The following TRHDE variants were observed in gnomAD, a reference collection of about 807,000 sequenced individuals.
TRHDE encodes the protein thyrotropin-releasing hormone-degrading ectoenzyme.
In TRHDE, 72 loss-of-function variants were observed where a neutral mutation model predicts 125.7. That is an observed-to-expected ratio of 0.57 (90% CI 0.47 to 0.70). The LOEUF is 0.70. TRHDE is among the 30% of genes least tolerant of loss of function. TRHDE has a pLI of 0.00. For missense variants in TRHDE, 1,110 were observed against 1,327.1 expected (o/e 0.84, Z 2.54); for synonymous variants, 509 against 509.1 (o/e 1.00, Z 0.00).
At chr12:72,577,620 A>G (rs1443044929) in intron 12 of TRHDE, among the ~76,000 whole-genome samples, 2 of 152,218 alleles carry the variant, frequency 1.3e-5, no homozygotes, top group African/African-American at 4.8e-5. Flanking sequence ...TAGCCTAATG[A>G]CAGAGGCCAG....
chr12:72,164,461 A>G (rs1466092255), intron 2 of TRHDE, among the ~76,000 whole-genome samples: 1 of 152,174 alleles, frequency 6.6e-6, no homozygotes, highest in African/African-American at 2.4e-5. Flanking sequence ...TGGGGTTTTA[A>G]TAGGGTCTTA....
intron 15 of TRHDE, among the ~76,000 whole-genome samples, chr12:72,625,701 A>C (rs1325636576): frequency 6.6e-6 from 1 of 151,814 alleles, no homozygotes; most frequent in East Asian, 1.9e-4. Context: ...TTTTACCAAA[A>C]CCAAATTCTA....
chr12:72,161,033 A>G (rs544743503), intron 2 of TRHDE, among the ~76,000 whole-genome samples: 12 of 152,102 alleles, frequency 7.9e-5, no homozygotes, highest in African/African-American at 2.7e-4. Flanking sequence ...TCTCACCTCT[A>G]TCTCCTTTCT....
intron 2 of TRHDE, among the ~76,000 whole-genome samples, chr12:72,224,083 T>C (rs147571672): frequency 0.017 from 889 of 53,518 alleles, 12 homozygotes; most frequent in African/African-American, 0.075. Context: ...TCTATCCATC[T>C]ATCTATCCAT....
At chr12:72,430,067 A>C (rs536622041) in intron 3 of TRHDE, among the ~76,000 whole-genome samples, 1 of 151,606 alleles carries the variant, frequency 6.6e-6, no homozygotes, top group South Asian at 2.1e-4. Context: ...TGTCATATCT[A>C]AAAAGGTTTT....
At chr12:72,154,579 G>A (rs529172218) in intron 2 of TRHDE, among the ~76,000 whole-genome samples, 1 of 152,234 alleles carries the variant, frequency 6.6e-6, no homozygotes, top group East Asian at 1.9e-4. Context: ...GCTCTTTTAG[G>A]GCAGGCCTGG....
chr12:72,491,653 T>G (rs1334192713), intron 5 of TRHDE, among the ~76,000 whole-genome samples: 2 of 151,946 alleles, frequency 1.3e-5, no homozygotes, highest in African/African-American at 4.8e-5. Flanking sequence ...TTTCTCTGTG[T>G]TCATCATGTC....
chr12:72,492,340 A>C (rs548109574), intron 5 of TRHDE, among the ~76,000 whole-genome samples: 1 of 152,070 alleles, frequency 6.6e-6, no homozygotes, highest in African/African-American at 2.4e-5. Context: ...GTAGAACTTA[A>C]AATACTTTTG....
chr12:72,605,425 C>G (rs1250732806), intron 12 of TRHDE, among the ~76,000 whole-genome samples: 1 of 151,870 alleles, frequency 6.6e-6, no homozygotes, highest in East Asian at 1.9e-4. Flanking sequence ...TATTTAGCAC[C>G]CTTATGAGGG....
chr12:72,298,498 A>G (rs1565688786), intron 2 of TRHDE, among the ~76,000 whole-genome samples: 3 of 152,142 alleles, frequency 2.0e-5, no homozygotes, highest in South Asian at 2.1e-4. Context: ...TTCTTCTTTT[A>G]CATTCCAGTT....
chr12:72,420,993 G>T (rs1230348675), intron 3 of TRHDE, among the ~76,000 whole-genome samples: 2 of 151,132 alleles, frequency 1.3e-5, no homozygotes, highest in African/African-American at 2.4e-5. Context: ...TTTTGAGATG[G>T]AGTCTTGCTT....
intron 2 of TRHDE, among the ~76,000 whole-genome samples, chr12:72,116,275 G>T (rs1465845948): frequency 6.6e-6 from 1 of 152,122 alleles, no homozygotes; most frequent in East Asian, 1.9e-4. Context: ...GGACATTTGG[G>T]TTGGTTCCAA....
chr12:72,237,533 C>T (rs1878358034), intron 2 of TRHDE, among the ~76,000 whole-genome samples: 1 of 152,174 alleles, frequency 6.6e-6, no homozygotes, highest in Non-Finnish European at 1.5e-5. Flanking sequence ...CACCTCTCAT[C>T]TCTTTTGGGA....
At chr12:72,122,689 A>G (rs1343515127) in intron 2 of TRHDE, among the ~76,000 whole-genome samples, 2 of 152,118 alleles carry the variant, frequency 1.3e-5, no homozygotes, top group East Asian at 3.9e-4. Flanking sequence ...ACTTTTCTGG[A>G]TATTTGAGAG....
At chr12:72,218,773 C>T (rs183783780) in intron 2 of TRHDE, among the ~76,000 whole-genome samples, 128 of 152,234 alleles carry the variant, frequency 8.4e-4, no homozygotes, top group African/African-American at 2.5e-3. Flanking sequence ...CTCCCTCTCC[C>T]TTCTTCTTAT....
intron 5 of TRHDE, among the ~76,000 whole-genome samples, chr12:72,490,875 G>A (rs901663197): frequency 6.6e-6 from 1 of 150,906 alleles, no homozygotes; most frequent in Non-Finnish European, 1.5e-5. Flanking sequence ...ATTAAGTTAT[G>A]TAGGATGAAC....
At chr12:72,469,493 C>A (rs1165123597) in intron 3 of TRHDE, among the ~76,000 whole-genome samples, 1 of 152,100 alleles carries the variant, frequency 6.6e-6, no homozygotes, top group African/African-American at 2.4e-5. Context: ...AGGATGGGCC[C>A]ATCAATAATG....
chr12:72,089,752 G>A (rs1488792745), intron 1 of TRHDE, among the ~76,000 whole-genome samples: 1 of 152,036 alleles, frequency 6.6e-6, no homozygotes, highest in Non-Finnish European at 1.5e-5. Flanking sequence ...CTTACATACT[G>A]TATAATTTAC....
Position 72,564,653 on chromosome 12 carries a change from A to ATTTTTTTTTTTTTTTTTTTTTTTTTTT in TRHDE, c.2042+1619_2042+1645dup, listed in dbSNP as rs538823843. 5.5e-5 allele frequency among the ~76,000 whole-genome samples: 3 copies of ATTTTTTTTTTTTTTTTTTTTTTTTTTT among 54,276 alleles called. 1 individual carries two copies. The highest frequency in any genetic ancestry group is 9.8e-5 in the Non-Finnish European group (3 of 30,570). The allele number at this position is 54,276 out of a possible 152,430, so 35.6% of individuals were successfully genotyped here. On this transcript the variant is annotated intron_variant, in intron 9 of 18. Coordinates refer to ENST00000261180, the MANE Select transcript of TRHDE (RefSeq NM_013381.3). ...TGGAATTATAAAATCATGCGTATGAATTTTTTTTTTTTTTTTTTTTTTTTT... is the reference window on the plus strand; with the variant it reads ...TGGAATTATAAAATCATGCGTATGAATTTTTTTTTTTTTTTTTTTTTTTTTTTTTTTTTTTTTTTTTTTTTTTTTTTT...
Sources: gnomAD v4.1 joint callset for allele counts (sites outside exome capture counted in the v4.1 genomes callset) on GRCh38, gnomAD v4.1.1 for gene constraint, MANE v1.5 for transcripts, NCBI Gene and HGNC (gene_info 2026-07-23, HGNC 2026-07-21) for gene names.